The following VWF variants were observed in gnomAD, a reference collection of about 807,000 sequenced individuals.
The protein encoded by VWF is von Willebrand factor, also known as Factor VIII related antigen.
VWF carries 176 observed loss-of-function variants against 308.6 expected under a neutral mutation model. The ratio of observed to expected loss-of-function variants is 0.57; its 90% CI spans 0.50 to 0.65. The LOEUF (loss-of-function observed/expected upper bound fraction) is 0.65. Ranked by LOEUF, VWF falls within the 30% of genes least tolerant of loss-of-function variation. The probability of loss-of-function intolerance (pLI) is 0.00; values close to 1 mark genes in which losing one functional copy is unlikely to be tolerated. For missense variants in VWF, 3,146 were observed against 3,648.2 expected (o/e 0.86, Z 3.55); for synonymous variants, 1,385 against 1,443.4 (o/e 0.96, Z 0.92).
At chr12:6,107,744 C>T (rs1591922591) in intron 5 of VWF, among the ~76,000 whole-genome samples, 2 of 152,108 alleles carry the variant, frequency 1.3e-5, no homozygotes, top group East Asian at 1.9e-4. Flanking sequence ...CTGCAAGCTC[C>T]GCCTCCAAGG....
chr12:5,960,049 AATAAT>A (rs902385983), intron 47 of VWF, among the ~76,000 whole-genome samples: 2 of 148,024 alleles, frequency 1.4e-5, no homozygotes, highest in African/African-American at 2.4e-5. Context: ...TTGAAAGATT[AATAAT>A]ATAATAATAT....
At chr12:6,070,669 T>C (rs766048928) in intron 10 of VWF, among the ~76,000 whole-genome samples, 5 of 152,108 alleles carry the variant, frequency 3.3e-5, no homozygotes, top group Non-Finnish European at 5.9e-5. Context: ...TCTGAGGTCA[T>C]TGGAAGGTGG....
chr12:6,099,823 T>G (rs561526070), intron 5 of VWF, among the ~76,000 whole-genome samples: 1 of 152,190 alleles, frequency 6.6e-6, no homozygotes, highest in South Asian at 2.1e-4. Flanking sequence ...ATTCAGGACA[T>G]AGGCATGGGC....
At position 6,018,478 on chromosome 12, in the gene VWF, G is replaced by A; in HGVS notation, c.4940C>T (p.Ala1647Val). ...CTCAAAGTCCTGGATGAGGATAGGG[G>A]CATTGGGCCAGCCAATCCTCTCCAG... Reference protein sequence around the residue: ...QELERIGWPNAPILIQDFETL... With the variant: ...QELERIGWPNVPILIQDFETL... The change falls in exon 28 of 52, where the codon GCC becomes GTC. Residue 1647 changes from alanine to valine, a missense_variant. Physicochemically the swap from Ala to Val is moderately conservative, Grantham distance 64. Transcript: ENST00000261405. The A allele has an allele frequency of 6.2e-7, 1 of 1,613,668 alleles. No individual in the cohort carries two copies. Among genetic ancestry groups the A allele is most frequent in the Non-Finnish European group, 8.5e-7 (1 of 1,179,904 alleles).
chr12:6,083,898 G>A (rs577312871), intron 6 of VWF, among the ~76,000 whole-genome samples: 4 of 152,124 alleles, frequency 2.6e-5, no homozygotes, highest in Non-Finnish European at 4.4e-5. Context: ...TTTCTACTGC[G>A]GGAATGTAGT....
chr12:5,984,524 T>C (rs1565819327), intron 40 of VWF, among the ~76,000 whole-genome samples: 1 of 152,264 alleles, frequency 6.6e-6, no homozygotes, highest in Non-Finnish European at 1.5e-5. Flanking sequence ...ATAAACACAC[T>C]GGACAGGACT....
At chr12:6,096,133 ATGGATGGATG>A (rs1444578200) in intron 5 of VWF, among the ~76,000 whole-genome samples, 1 of 145,100 alleles carries the variant, frequency 6.9e-6, no homozygotes, top group East Asian at 1.9e-4. Context: ...GGATGGATGG[ATGGATGGATG>A]GATGGATGGA....
At chr12:5,973,263 A>T (rs1022730090) in intron 43 of VWF, among the ~76,000 whole-genome samples, 2 of 152,178 alleles carry the variant, frequency 1.3e-5, no homozygotes, top group African/African-American at 4.8e-5. Context: ...GATATCTTGT[A>T]TCAAAATACA....
At chr12:5,968,279 A>G in intron 45 of VWF, 112 bp from the exon 46 acceptor site, 1 of 1,351,658 alleles carries the variant, frequency 7.4e-7, no homozygotes, top group Non-Finnish European at 1.0e-6. Context: ...TCCCTCCTGT[A>G]TCGGTCGGCC....
At chr12:5,992,159 C>G in intron 37 of VWF, 141 bp from the exon 38 acceptor site, 1 of 766,434 alleles carries the variant, frequency 1.3e-6, no homozygotes, top group Non-Finnish European at 2.2e-6. Flanking sequence ...ATCCTCCCCA[C>G]CTTCCATAGA....
chr12:5,980,900 C>T (rs963170420), intron 42 of VWF, among the ~76,000 whole-genome samples: 9 of 152,212 alleles, frequency 5.9e-5, no homozygotes, highest in African/African-American at 9.7e-5. Flanking sequence ...TCTCACTCCG[C>T]CACTTTCGCG....
rs765757461 is a variant in VWF, at chr12:6,018,367, G to C, written c.5051C>G (p.Pro1684Arg). ...CTGCACACAAGGTGCCAGCATACCA[G>C]GTGCAGGGGAGAGGGTGGGGATCTG... is the stretch of plus-strand genomic sequence containing the variant. ...GLQIPTLSPAPDCSQPLDVIL... is the reference protein window; with the variant it reads ...GLQIPTLSPARDCSQPLDVIL... The change falls in exon 28 of 52, where the codon CCT becomes CGT. Residue 1684 changes from proline to arginine, a missense_variant and splice_region_variant. Transcript: ENST00000261405. 9.3e-6 allele frequency: 15 copies of C among 1,609,704 alleles called. No individual in the cohort carries two copies. In the South Asian group the frequency reaches 1.5e-4, roughly 17 times the overall value.
In VWF at chr12:5,982,004, C is replaced by G. The variant is rs71581025; in HGVS notation, c.7082-13G>C. 2,562 of 1,612,494 alleles carry G rather than the reference C, an allele frequency of 1.6e-3. 8 individuals are homozygous for G. The highest frequency in any genetic ancestry group is 2.7e-3 in the South Asian group (243 of 91,002). On this transcript the variant is annotated splice_polypyrimidine_tract_variant and intron_variant, in intron 41 of 51. Coordinates refer to ENST00000261405, the MANE Select transcript of VWF (RefSeq NM_000552.5). ...TCCTTCCTGCAGGCTGAGGGTAGGACAAGGCCACACTGAGCACTGCGCCCA... is the reference window on the plus strand; with the variant it reads ...TCCTTCCTGCAGGCTGAGGGTAGGAGAAGGCCACACTGAGCACTGCGCCCA...
intron 16 of VWF, among the ~76,000 whole-genome samples, chr12:6,051,440 C>T (rs531243557): frequency 1.2e-4 from 18 of 152,096 alleles, no homozygotes; most frequent in Admixed American, 1.2e-3. Flanking sequence ...TACAGGCACC[C>T]GCTACCACAC....
rs113892592 is a variant in VWF, at chr12:6,058,375, G to A, written c.1534-331C>T. Among the ~76,000 whole-genome samples the A allele has an allele frequency of 0.013, 1,904 of 152,276 alleles. 42 individuals are homozygous for A. Among genetic ancestry groups the A allele is most frequent in the African/African-American group, 0.044 (1,826 of 41,548 alleles). ...TGCCTAAGGTCAGGGAGGTAGTGGC[G>A]GAGCTAGGGTGAGTAGGCAGGTTGA... On this transcript the variant is annotated intron_variant, in intron 13 of 51. Transcript: ENST00000261405. This position sits in a 1 kb window ranked among gnomAD's most constrained non-coding sequence, Gnocchi z 4.9.
At chr12:5,957,483 G>A (rs1300330649) in intron 47 of VWF, among the ~76,000 whole-genome samples, 9 of 152,044 alleles carry the variant, frequency 5.9e-5, no homozygotes, top group Non-Finnish European at 1.3e-4. Flanking sequence ...ATATACTCAA[G>A]CTTCTGAAAA....
At chr12:6,050,621 A>T (rs1028589712) in intron 16 of VWF, among the ~76,000 whole-genome samples, 1 of 152,178 alleles carries the variant, frequency 6.6e-6, no homozygotes. Context: ...GGGATTGTGG[A>T]GTACACCTTG....
At chr12:6,066,421 G>GAC (rs1944714495) in intron 10 of VWF, among the ~76,000 whole-genome samples, 1 of 152,216 alleles carries the variant, frequency 6.6e-6, no homozygotes, top group Non-Finnish European at 1.5e-5. Context: ...TATAGAGAGA[G>GAC]ACACCATTGC....
chr12:5,981,657 C>T lies in VWF; in HGVS notation c.7287+129G>A, dbSNP rs1943607138. 2.8e-6 allele frequency: 3 copies of T among 1,067,764 alleles called. No homozygotes were observed. In the Admixed American group the frequency reaches 5.6e-5, roughly 20 times the overall value. The allele number at this position is 1,067,764 out of a possible 1,614,324, so 66.1% of individuals were successfully genotyped here. A position where few individuals can be genotyped will look rare whatever the true frequency, so the allele number is the denominator to read the frequency against. On this transcript the variant is annotated intron_variant, in intron 42 of 51. Coordinates refer to ENST00000261405, the MANE Select transcript of VWF (RefSeq NM_000552.5). ...GGATGCAAATCTTCCATGAGGAGCACATGTTGCTTAGCAAATATTGGATGG... is the reference window on the plus strand; with the variant it reads ...GGATGCAAATCTTCCATGAGGAGCATATGTTGCTTAGCAAATATTGGATGG...
Sources: allele counts gnomAD v4.1 joint callset (sites outside exome capture counted in the v4.1 genomes callset), GRCh38; gene constraint gnomAD v4.1.1; non-coding constraint Gnocchi (gnomAD v3.1); transcripts MANE v1.5; gene names NCBI Gene and HGNC (gene_info 2026-07-23, HGNC 2026-07-21).